The following BCL2A1 variants were observed in gnomAD, a reference collection of about 807,000 sequenced individuals.
BCL2A1 encodes the protein BCL2 related protein A1, also known as bcl-2-related protein A1.
A neutral mutation model predicts 14.4 loss-of-function variants in BCL2A1; 10 were observed. That is an observed-to-expected ratio of 0.69 (90% CI 0.43 to 1.18). The LOEUF is 1.18. Among genes scored for constraint, BCL2A1 ranks in the 50% most tolerant of loss-of-function variants. BCL2A1 has a pLI of 0.00. For synonymous variants in BCL2A1, 71 were observed against 76.5 expected (o/e 0.93, Z 0.38); for missense variants, 158 against 205.0 (o/e 0.77, Z 1.40).
At chr15:79,967,850 G>A (rs1288215143) in intron 1 of BCL2A1, among the ~76,000 whole-genome samples, 5 of 152,028 alleles carry the variant, frequency 3.3e-5, no homozygotes, top group Non-Finnish European at 5.9e-5. Context: ...CTGGGAAAGC[G>A]GCATGGAGAT....
At chr15:79,970,290 A>C (rs1205955315) in intron 1 of BCL2A1, among the ~76,000 whole-genome samples, 1 of 152,194 alleles carries the variant, frequency 6.6e-6, no homozygotes, top group Non-Finnish European at 1.5e-5. Flanking sequence ...AATACCTAAA[A>C]ATAACAGCAT....
At position 79,965,289 on chromosome 15, in the gene BCL2A1, A is replaced by G. The variant is rs572419806; in HGVS notation, c.421-4115T>C. Among the ~76,000 whole-genome samples, 13 of 152,144 alleles carry G rather than the reference A, an allele frequency of 8.5e-5. No individual in the cohort carries two copies. In the South Asian group the frequency reaches 2.1e-3, roughly 24 times the overall value. On this transcript the variant is annotated intron_variant, in intron 1 of 1. Transcript: ENST00000267953. ...ATTACAGGCATGCGCCACCACGCCCAGCTAATTTTTTGTATTTTTAGTAGA... is the reference window on the plus strand; with the variant it reads ...ATTACAGGCATGCGCCACCACGCCCGGCTAATTTTTTGTATTTTTAGTAGA...
At chr15:79,961,234 A>T in intron 1 of BCL2A1, 60 bp from the exon 2 acceptor site, 1 of 1,494,076 alleles carries the variant, frequency 6.7e-7, no homozygotes, top group South Asian at 1.2e-5. Flanking sequence ...GCTGGAATAA[A>T]AAGCAAAAAT....
intron 1 of BCL2A1, among the ~76,000 whole-genome samples, chr15:79,963,702 G>T (rs907978545): frequency 6.6e-6 from 1 of 152,128 alleles, no homozygotes; most frequent in Non-Finnish European, 1.5e-5. Context: ...AGTCATTCCA[G>T]TGTTAGAAAT....
chr15:79,966,029 T>A (rs2035538096), intron 1 of BCL2A1, among the ~76,000 whole-genome samples: 1 of 151,852 alleles, frequency 6.6e-6, no homozygotes, highest in Non-Finnish European at 1.5e-5. Context: ...TGGTGGTTAC[T>A]GGGAAAGCAC....
At chr15:79,967,339 C>T (rs927225019) in intron 1 of BCL2A1, among the ~76,000 whole-genome samples, 1 of 151,156 alleles carries the variant, frequency 6.6e-6, no homozygotes, top group Admixed American at 6.6e-5. Flanking sequence ...GCCTTAGCCT[C>T]CTAAGTAGCT....
chr15:79,962,504 T>C (rs989654002), intron 1 of BCL2A1, among the ~76,000 whole-genome samples: 4 of 152,108 alleles, frequency 2.6e-5, no homozygotes, highest in Non-Finnish European at 5.9e-5. Flanking sequence ...TCCTAGAATT[T>C]TCATAAACCC....
At chr15:79,970,486 G>A (rs2035582527) in intron 1 of BCL2A1, among the ~76,000 whole-genome samples, 1 of 152,166 alleles carries the variant, frequency 6.6e-6, no homozygotes, top group African/African-American at 2.4e-5. Context: ...AATAAAAACT[G>A]AAAACATAAG....
chr15:79,970,165 G>A (rs577402565), intron 1 of BCL2A1, among the ~76,000 whole-genome samples: 38 of 152,142 alleles, frequency 2.5e-4, no homozygotes, highest in Admixed American at 2.3e-3. Flanking sequence ...TATATGTAAT[G>A]TAATTTGCTA....
At chr15:79,967,524 A>G (rs2035553703) in intron 1 of BCL2A1, 2 of 1,199,820 alleles carry the variant, frequency 1.7e-6, no homozygotes, top group Admixed American at 4.5e-5. Context: ...CACATACCGC[A>G]TTGTTGATTC....
In BCL2A1 at chr15:79,968,203, AT is replaced by A. The variant is rs1209381886; in HGVS notation, c.420+2496del. Among the ~76,000 whole-genome samples the A allele has an allele frequency of 7.2e-5, 11 of 152,364 alleles. No homozygotes were observed. In the East Asian group the frequency reaches 2.1e-3, roughly 29 times the overall value. On this transcript the variant is annotated intron_variant, in intron 1 of 1. Transcript: ENST00000267953. ...TCACTGTCTGTGTGCTCCAAGTATT[AT>A]GCTAAGCGTTGGAAATACAATCCAA...
chr15:79,961,659 A>C (rs1033861311), intron 1 of BCL2A1, among the ~76,000 whole-genome samples: 4 of 152,158 alleles, frequency 2.6e-5, no homozygotes, highest in Non-Finnish European at 4.4e-5. Flanking sequence ...AATATGAATT[A>C]TATTATACTG....
Position 79,961,039 on chromosome 15 carries a change from G to C in BCL2A1, c.*28C>G. The C allele has an allele frequency of 6.2e-7, 1 of 1,612,004 alleles. No homozygotes were observed. The highest frequency in any genetic ancestry group is 8.5e-7 in the Non-Finnish European group (1 of 1,178,512). ...CATATCAGTCAGAAAAATTAGGCCG[G>C]TTTCACAATATGGAGTGTCCTTTCT... is the stretch of plus-strand genomic sequence containing the variant. On this transcript the variant is annotated 3_prime_UTR_variant, in exon 2 of 2. Coordinates refer to ENST00000267953, the MANE Select transcript of BCL2A1 (RefSeq NM_004049.4).
intron 1 of BCL2A1, among the ~76,000 whole-genome samples, chr15:79,969,251 T>C (rs7173136): frequency 1 from 152,315 of 152,320 alleles, 76,155 homozygotes; most frequent in Non-Finnish European, 1. Context: ...CCGGGGCATA[T>C]CCTAACGAGC....
chr15:79,971,078 C>G lies in BCL2A1; in HGVS notation c.42G>C (p.Gln14His). 1 of 1,614,076 alleles carries G rather than the reference C, an allele frequency of 6.2e-7. No homozygotes were observed. The highest frequency in any genetic ancestry group is 1.1e-5 in the South Asian group (1 of 91,072). The change falls in exon 1 of 2, where the codon CAG becomes CAC. Residue 14 changes from glutamine to histidine, a missense_variant. Physicochemically the swap from Gln to His is conservative, Grantham distance 24 (BLOSUM62 0). Transcript: ENST00000267953. ...TCTGTAGGACGCACTGCAGATAGTC[C>G]TGAGCCAGCCTGTAAATATATCCAA... is the stretch of plus-strand genomic sequence containing the variant. ...CEFGYIYRLA[Q>H]DYLQCVLQIP... is the part of the protein sequence containing the mutation.
chr15:79,963,138 C>T (rs1005052136), intron 1 of BCL2A1, among the ~76,000 whole-genome samples: 1 of 151,860 alleles, frequency 6.6e-6, no homozygotes, highest in Non-Finnish European at 1.5e-5. Context: ...TACAGGCACA[C>T]GCCACCACAC....
chr15:79,965,250 A>C lies in BCL2A1; in HGVS notation c.421-4076T>G, dbSNP rs183114546. Among the ~76,000 whole-genome samples, 332 of 151,904 alleles carry C rather than the reference A, an allele frequency of 2.2e-3. 1 individual carries two copies. Among genetic ancestry groups the C allele is most frequent in the African/African-American group, 7.4e-3 (305 of 41,458 alleles). Reference sequence around the variant, plus strand: ...TCAAGCAATTCTCCTGCCTCAGCCTACCAAGTAGCTGGGATTACAGGCATG... The same window carrying C: ...TCAAGCAATTCTCCTGCCTCAGCCTCCCAAGTAGCTGGGATTACAGGCATG... On this transcript the variant is annotated intron_variant, in intron 1 of 1. Transcript: ENST00000267953.
chr15:79,966,538 G>T (rs749816081), intron 1 of BCL2A1, among the ~76,000 whole-genome samples: 2 of 152,160 alleles, frequency 1.3e-5, no homozygotes, highest in Non-Finnish European at 2.9e-5. Context: ...GAAGGGGGAG[G>T]AAGTAAGAAG....
chr15:79,966,640 T>C (rs768553349), intron 1 of BCL2A1, among the ~76,000 whole-genome samples: 4 of 152,184 alleles, frequency 2.6e-5, no homozygotes, highest in African/African-American at 9.7e-5. Flanking sequence ...AACCATCCTT[T>C]CCTTATGAAT....
Sources: allele counts gnomAD v4.1 joint callset (sites outside exome capture counted in the v4.1 genomes callset), GRCh38; gene constraint gnomAD v4.1.1; transcripts MANE v1.5; gene names NCBI Gene and HGNC (gene_info 2026-07-23, HGNC 2026-07-21).